The following TBC1D1 variants were observed in gnomAD, a reference collection of about 807,000 sequenced individuals.
TBC1D1 encodes TBC1 domain family member 1.
TBC1D1 carries 89 observed loss-of-function variants against 125.6 expected under a neutral mutation model. The ratio of observed to expected loss-of-function variants is 0.71; its 90% CI spans 0.60 to 0.85. The LOEUF (loss-of-function observed/expected upper bound fraction) is 0.85, where lower values mean the gene tolerates loss of function less well. Ranked by LOEUF, TBC1D1 falls within the 40% of genes least tolerant of loss-of-function variation. TBC1D1 has a pLI of 0.00. For synonymous variants in TBC1D1, 565 were observed against 564.1 expected (o/e 1.00, Z -0.02); for missense variants, 1,377 against 1,469.2 (o/e 0.94, Z 1.03).
chr4:38,033,489 G>A (rs756905407), intron 7 of TBC1D1, among the ~76,000 whole-genome samples: 4 of 152,030 alleles, frequency 2.6e-5, no homozygotes, highest in African/African-American at 4.8e-5. Context: ...CAGTTTCTCC[G>A]ATTTTTAACA....
rs1403448944 is a variant in TBC1D1 at position 38,124,980 on chromosome 4, G to C, written c.2981G>C (p.Gly994Ala). The change falls in exon 18 of 20, where the codon GGA becomes GCA. Residue 994 changes from glycine (G) to alanine (A), a missense_variant. Gly to Ala is a moderately conservative substitution (Grantham distance 60, BLOSUM62 0). Around this residue, in one of 3 missense-constraint regions of TBC1D1, gnomAD observed 543 missense variants for 613.5 expected, o/e 0.89. Coordinates refer to ENST00000261439, the MANE Select transcript of TBC1D1 (RefSeq NM_015173.4). ...TTCTCAGATATGATTTTTCTTCAGG[G>C]AACAGAGGTCATATTTAAAGTGGCT... 7.4e-6 allele frequency: 12 copies of C among 1,613,740 alleles called. No individual in the cohort carries two copies. The highest frequency in any genetic ancestry group is 1.3e-5 in the African/African-American group (1 of 74,830).
chr4:38,107,125 C>G (rs547875838), intron 15 of TBC1D1, among the ~76,000 whole-genome samples: 2 of 152,242 alleles, frequency 1.3e-5, no homozygotes, highest in South Asian at 4.1e-4. Context: ...CAGGTCACCT[C>G]TGTGTCTCTC....
chr4:37,938,831 C>T (rs886277508), intron 2 of TBC1D1, among the ~76,000 whole-genome samples: 4 of 152,166 alleles, frequency 2.6e-5, no homozygotes, highest in Non-Finnish European at 4.4e-5. Flanking sequence ...CAGCTTCATC[C>T]ATGTCCCTAC....
chr4:38,115,983 CA>C, intron 16 of TBC1D1, 29 bp downstream of exon 18: 1 of 1,604,500 alleles, frequency 6.2e-7, no homozygotes, highest in South Asian at 1.1e-5. Context: ...GTCTTTAATA[CA>C]ACAAAATGCT....
At chr4:38,105,197 A>G (rs1359354497) in intron 15 of TBC1D1, among the ~76,000 whole-genome samples, 2 of 152,058 alleles carry the variant, frequency 1.3e-5, no homozygotes, top group African/African-American at 4.8e-5. Flanking sequence ...TGCGTATCAC[A>G]TTTCTCATCA....
At chr4:38,025,585 G>A (rs1443510919) in intron 6 of TBC1D1, among the ~76,000 whole-genome samples, 6 of 152,230 alleles carry the variant, frequency 3.9e-5, no homozygotes, top group Non-Finnish European at 7.3e-5. Flanking sequence ...TTGGCAGAGT[G>A]TCGAGTTAGT....
chr4:38,044,494 A>G lies in TBC1D1; in HGVS notation c.1542+4A>G. The stretch of plus-strand genomic sequence containing the variant: ...TTTAGAAAGTATTTTGTCCCGGGTA[A>G]GTAGCATAATTTCTCCTGATTTAAG... On this transcript the variant is annotated splice_donor_region_variant and intron_variant, in intron 9 of 19. Transcript: ENST00000261439. The G allele has an allele frequency of 6.2e-7, 1 of 1,604,174 alleles. No individual in the cohort carries two copies. Among genetic ancestry groups the G allele is most frequent in the Non-Finnish European group, 8.5e-7 (1 of 1,177,470 alleles).
chr4:37,901,828 C>T (rs905117401), intron 1 of TBC1D1, among the ~76,000 whole-genome samples, 175 bp from the exon 2 acceptor site: 1 of 152,120 alleles, frequency 6.6e-6, no homozygotes, highest in Non-Finnish European at 1.5e-5. Flanking sequence ...ATGCCATAAC[C>T]AGGTTTTATA....
intron 15 of TBC1D1, among the ~76,000 whole-genome samples, chr4:38,108,418 A>G (rs1761695926): frequency 6.6e-6 from 1 of 152,238 alleles, no homozygotes; most frequent in Non-Finnish European, 1.5e-5. Flanking sequence ...CAGAAGCAAG[A>G]ATGCATCTAA....
At chr4:38,081,917 G>C (rs1481988157) in intron 12 of TBC1D1, among the ~76,000 whole-genome samples, 1 of 152,160 alleles carries the variant, frequency 6.6e-6, no homozygotes, top group African/African-American at 2.4e-5. Flanking sequence ...CCAAGTTCTA[G>C]TCCTGGATTC....
At chr4:37,915,875 T>A (rs1450961196) in intron 2 of TBC1D1, among the ~76,000 whole-genome samples, 1 of 152,182 alleles carries the variant, frequency 6.6e-6, no homozygotes, top group Non-Finnish European at 1.5e-5. Flanking sequence ...ATGGTCATCA[T>A]CTCTCAGCTC....
At chr4:38,038,687 C>A (rs1344644200) in intron 8 of TBC1D1, among the ~76,000 whole-genome samples, 4 of 152,172 alleles carry the variant, frequency 2.6e-5, no homozygotes, top group Admixed American at 6.5e-5. Flanking sequence ...GTGGCTCACG[C>A]CTGTAATCCC....
intron 2 of TBC1D1, among the ~76,000 whole-genome samples, chr4:37,989,267 T>C (rs76632853): frequency 0.039 from 5,999 of 152,278 alleles, 112 homozygotes; most frequent in Non-Finnish European, 0.046. Flanking sequence ...ACCTACACAC[T>C]TATTTCTATT....
Position 38,049,781 on chromosome 4 carries a change from G to A in TBC1D1, c.1793G>A (p.Ser598Asn), listed in dbSNP as rs769152674. 8 of 1,614,068 alleles carry A rather than the reference G, an allele frequency of 5.0e-6. No individual in the cohort carries two copies. Among genetic ancestry groups the A allele is most frequent in the Non-Finnish European group, 5.9e-6 (7 of 1,180,048 alleles). Residue 598 changes from serine (S) to asparagine (N), a missense_variant, in exon 11 of 20, where the codon AGT becomes AAT. Physicochemically the swap from Ser to Asn is conservative, Grantham distance 46. Transcript: ENST00000261439. ...TTCAGGAGGCGAGCAAACACCCTGAGTCACTTCCCCATCGAATGCCAGGAA... is the reference window on the plus strand; with the variant it reads ...TTCAGGAGGCGAGCAAACACCCTGAATCACTTCCCCATCGAATGCCAGGAA...
chr4:38,060,084 CATGGTG>C (rs1309944330), intron 12 of TBC1D1, among the ~76,000 whole-genome samples: 1 of 152,188 alleles, frequency 6.6e-6, no homozygotes, highest in East Asian at 1.9e-4. Flanking sequence ...CATAGTAGTC[CATGGTG>C]TATATGTACC....
intron 2 of TBC1D1, among the ~76,000 whole-genome samples, chr4:37,913,926 A>G (rs543184428): frequency 1.3e-5 from 2 of 152,000 alleles, no homozygotes; most frequent in Non-Finnish European, 2.9e-5. Context: ...TCAACTTCTC[A>G]GTAGCTTTTG....
chr4:37,960,662 G>A (rs1729818740), intron 2 of TBC1D1: 1 of 1,614,200 alleles, frequency 6.2e-7, no homozygotes, highest in African/African-American at 1.3e-5. Flanking sequence ...AGTCAGTAAA[G>A]ACCAATGGAC....
At chr4:38,006,947 G>A in intron 2 of TBC1D1, 1 of 436,150 alleles carries the variant, frequency 2.3e-6, no homozygotes, top group South Asian at 1.8e-5. Flanking sequence ...GTTGTCATCT[G>A]GATACCCAGT....
At chr4:38,101,543 C>G (rs1437638336) in intron 14 of TBC1D1, among the ~76,000 whole-genome samples, 1 of 152,196 alleles carries the variant, frequency 6.6e-6, no homozygotes. Context: ...TAATCACATG[C>G]AAAGCATTAG....
Sources: gnomAD v4.1 joint callset for allele counts (sites outside exome capture counted in the v4.1 genomes callset) on GRCh38, gnomAD v4.1.1 for gene constraint, gnomAD v4.1.1 regional missense constraint, MANE v1.5 for transcripts, NCBI Gene and HGNC (gene_info 2026-07-23, HGNC 2026-07-21) for gene names.